Variants in CCDC141 observed in about 807,000 individuals in gnomAD.
CCDC141 encodes coiled-coil domain containing 141.
CCDC141 carries 168 observed loss-of-function variants against 181.0 expected under a neutral mutation model. The ratio of observed to expected loss-of-function variants is 0.93; its 90% confidence interval spans 0.82 to 1.05. The LOEUF is 1.05. Ranked by LOEUF, CCDC141 falls within the 50% of genes least tolerant of loss-of-function variation. The probability of loss-of-function intolerance (pLI) is 0.00; values close to 1 mark genes in which losing one functional copy is unlikely to be tolerated. For missense variants in CCDC141, 1,902 were observed against 1,788.5 expected (o/e 1.06, Z -1.14); for synonymous variants, 666 against 642.3 (o/e 1.04, Z -0.56).
intron 6 of CCDC141, among the ~76,000 whole-genome samples, chr2:178,944,041 GA>G (rs1044067496): frequency 2.6e-5 from 4 of 152,054 alleles, no homozygotes; most frequent in African/African-American, 4.8e-5. Flanking sequence ...TCTCAGTGTA[GA>G]AAAAAAATTT....
intron 8 of CCDC141, among the ~76,000 whole-genome samples, chr2:178,893,823 G>A (rs58984000): frequency 0.3 from 41,922 of 141,044 alleles, 6,596 homozygotes; most frequent in Non-Finnish European, 0.38. Flanking sequence ...ACACACACAC[G>A]CACACACACA....
At chr2:178,828,305 C>T (rs761077953), downstream of CCDC141, among the ~76,000 whole-genome samples, 8 of 152,138 alleles carry the variant, frequency 5.3e-5, no homozygotes, top group Non-Finnish European at 1.0e-4. Flanking sequence ...CACCGTGTTG[C>T]GTAGCCAGTT....
intron 2 of CCDC141, among the ~76,000 whole-genome samples, chr2:179,007,016 T>C (rs2042139638): frequency 6.6e-6 from 1 of 152,116 alleles, no homozygotes; most frequent in African/African-American, 2.4e-5. Context: ...TAGGGCCAGC[T>C]CCATAAGAGT....
rs777874589 is a variant in CCDC141, at chr2:178,855,434, T to C, written c.2973A>G (p.Gln991=). The part of the protein sequence containing the change: ...NVLLEVMKDL[Q]KHVDDFDKVV... ...CTTTGTCAAAGTCATCCACATGTTTTTGCAAATCCTTCATGACTTCCAAAA... is the reference window on the plus strand; with the variant it reads ...CTTTGTCAAAGTCATCCACATGTTTCTGCAAATCCTTCATGACTTCCAAAA... Residue 991 remains glutamine (Q), a synonymous_variant, in exon 19 of 24, where the codon CAA becomes CAG. Coordinates refer to ENST00000443758, the MANE Select transcript of CCDC141 (RefSeq NM_173648.4). 6.2e-7 allele frequency: 1 copy of C among 1,612,100 alleles called. No individual in the cohort carries two copies. Among genetic ancestry groups the C allele is most frequent in the South Asian group, 1.1e-5 (1 of 90,628 alleles).
intron 17 of CCDC141, 68 bp from the exon 18 acceptor site, chr2:178,856,465 C>T (rs1381320024): frequency 8.0e-7 from 1 of 1,243,664 alleles, no homozygotes; most frequent in Non-Finnish European, 1.1e-6. Flanking sequence ...TGCAATAAAT[C>T]AAAGCATCTG....
At chr2:178,984,940 T>A (rs1164261791) in intron 2 of CCDC141, among the ~76,000 whole-genome samples, 2 of 150,124 alleles carry the variant, frequency 1.3e-5, no homozygotes, top group East Asian at 2.0e-4. Context: ...ACCCAGGAAT[T>A]GAACTCAGCT....
At chr2:179,036,578 A>C (rs2043152094) in intron 2 of CCDC141, among the ~76,000 whole-genome samples, 1 of 152,228 alleles carries the variant, frequency 6.6e-6, no homozygotes. Flanking sequence ...CAAGCGAGGC[A>C]GGGAAAGTCA....
At chr2:178,958,878 CTTT>C (rs757650351) in intron 5 of CCDC141, among the ~76,000 whole-genome samples, 3 of 132,232 alleles carry the variant, frequency 2.3e-5, no homozygotes, top group Non-Finnish European at 4.9e-5. Context: ...CTTTGATGAG[CTTT>C]TTTTTTTTTT....
chr2:178,840,086 C>G (rs1047933419), intron 22 of CCDC141, among the ~76,000 whole-genome samples: 2 of 152,198 alleles, frequency 1.3e-5, no homozygotes, highest in African/African-American at 4.8e-5. Context: ...GAATTGGCCT[C>G]CTGGAGCTAC....
intron 2 of CCDC141, among the ~76,000 whole-genome samples, chr2:179,015,090 A>ATATATATATATAT (rs2042406573): frequency 2.4e-5 from 1 of 41,106 alleles, no homozygotes. Flanking sequence ...ATATATATAT[A>ATATATATATATAT]TATATATATA....
At chr2:179,037,838 AAAGAAACAAAC>A (rs1575377934) in intron 2 of CCDC141, among the ~76,000 whole-genome samples, 2 of 152,368 alleles carry the variant, frequency 1.3e-5, no homozygotes, top group East Asian at 1.9e-4. Context: ...ACTTTTTAAA[AAAGAAACAAAC>A]AAGAAACAAC....
chr2:178,816,389 T>C, the CCDC141 span, among the ~76,000 whole-genome samples: 18 of 152,350 alleles, frequency 1.2e-4, no homozygotes, highest in African/African-American at 4.1e-4. Flanking sequence ...TACTTCTTAT[T>C]GCCTAAGATT....
intron 2 of CCDC141, among the ~76,000 whole-genome samples, chr2:178,986,172 C>G (rs980878240): frequency 6.6e-6 from 1 of 152,164 alleles, no homozygotes; most frequent in Non-Finnish European, 1.5e-5. Context: ...ATACGCAAAT[C>G]AATAAATGTC....
rs928743227 is a variant in CCDC141 at position 178,833,101 on chromosome 2, A to G, written c.*1072T>C. 1.3e-5 allele frequency: 2 copies of G among 152,230 alleles called. No homozygotes were observed. The highest frequency in any genetic ancestry group is 4.8e-5 in the African/African-American group (2 of 41,468). The allele number at this position is 152,230 out of a possible 1,614,324, so 9.4% of individuals were successfully genotyped here. ...TAGATAGGAATTTAAGCTCTAATTC[A>G]TAAAACATCACTTTCCTCCATGGAA... On this transcript the variant is annotated 3_prime_UTR_variant, in exon 24 of 24. Transcript: ENST00000443758.
intron 7 of CCDC141, among the ~76,000 whole-genome samples, chr2:178,916,899 T>C (rs1024689017): frequency 6.6e-6 from 1 of 152,090 alleles, no homozygotes; most frequent in African/African-American, 2.4e-5. Flanking sequence ...CCTGAATTAC[T>C]GTATGAGTTT....
At chr2:179,042,036 C>T (rs2043322917) in intron 2 of CCDC141, among the ~76,000 whole-genome samples, 1 of 152,132 alleles carries the variant, frequency 6.6e-6, no homozygotes, top group Non-Finnish European at 1.5e-5. Flanking sequence ...CGGCTCAGAT[C>T]CAGAGCTGAG....
chr2:178,865,040 T>C (rs747158914), intron 17 of CCDC141, among the ~76,000 whole-genome samples: 1 of 152,196 alleles, frequency 6.6e-6, no homozygotes, highest in Non-Finnish European at 1.5e-5. Context: ...AGCCTTTCAA[T>C]GGAAAGCTTA....
At position 178,923,254 on chromosome 2, in the gene CCDC141, G is replaced by A. The variant is rs527815054; in HGVS notation, c.898-4347C>T. On this transcript the variant is annotated intron_variant, in intron 6 of 23. Coordinates refer to ENST00000443758, the MANE Select transcript of CCDC141 (RefSeq NM_173648.4). ...CAAGTAGCTGGGACTACAGGCGCCC[G>A]CCACTACGCCCGGCTAATTTTTTGT... Among the ~76,000 whole-genome samples, 959 of 151,316 alleles carry A rather than the reference G, an allele frequency of 6.3e-3. 9 individuals carry two copies. The highest frequency in any genetic ancestry group is 0.021 in the African/African-American group (847 of 41,212).
At chr2:179,045,356 G>T (rs1278133183) in intron 2 of CCDC141, among the ~76,000 whole-genome samples, 4 of 143,542 alleles carry the variant, frequency 2.8e-5, no homozygotes, top group Non-Finnish European at 6.1e-5. Flanking sequence ...CATTTTTTAT[G>T]GCTGCATAGT....
Sources: allele counts gnomAD v4.1 joint callset (sites outside exome capture counted in the v4.1 genomes callset), GRCh38; gene constraint gnomAD v4.1.1; transcripts MANE v1.5; gene names NCBI Gene and HGNC (gene_info 2026-07-23, HGNC 2026-07-21).